PUDP: variants seen among roughly 807,000 people sequenced by gnomAD.
The protein encoded by PUDP is pseudouridine-5'-phosphatase.
A neutral mutation model predicts 9.4 loss-of-function variants in PUDP; 8 were observed. That is an observed-to-expected ratio of 0.85 (90% CI 0.50 to 1.53). The LOEUF (loss-of-function observed/expected upper bound fraction) is 1.53. Ranked by LOEUF, PUDP falls within the 40% of genes most tolerant of loss-of-function variation. PUDP has a pLI of 0.00. For missense variants in PUDP, 188 were observed against 189.7 expected (o/e 0.99, Z 0.05); for synonymous variants, 99 against 80.7 (o/e 1.23, Z -1.22).
chrX:7,057,379 G>T (rs1424937473), intron 3 of PUDP, among the ~76,000 whole-genome samples: 8 of 110,031 alleles, frequency 7.3e-5, no homozygotes, highest in Non-Finnish European at 1.5e-4. Context: ...TGGCTCCCTG[G>T]TCTCCCCCTA....
At chrX:7,058,261 A>G (rs1054502910) in intron 3 of PUDP, among the ~76,000 whole-genome samples, 2 of 112,255 alleles carry the variant, frequency 1.8e-5, no homozygotes, top group Non-Finnish European at 3.8e-5. Context: ...AAATATTACT[A>G]TATCATCTCT....
At chrX:7,056,227 G>A (rs189562527) in intron 3 of PUDP, among the ~76,000 whole-genome samples, 1 of 112,520 alleles carries the variant, frequency 8.9e-6, no homozygotes, top group Non-Finnish European at 1.9e-5. Flanking sequence ...TCTCTGCACG[G>A]ACTTGGTGGG....
At chrX:6,949,560 C>T (rs982367053) in intron 3 of PUDP, among the ~76,000 whole-genome samples, 3 of 112,215 alleles carry the variant, frequency 2.7e-5, no homozygotes, top group African/African-American at 9.7e-5. Flanking sequence ...TCACCCCCAA[C>T]TGCTAATTGC....
chrX:7,002,495 T>C (rs987515198), intron 1 of PUDP, among the ~76,000 whole-genome samples: 3 of 111,891 alleles, frequency 2.7e-5, no homozygotes, highest in African/African-American at 9.8e-5. Flanking sequence ...TCTGTTGCCA[T>C]GCTGTGAGTA....
chrX:6,859,986 G>A (rs1320092586), intron 3 of PUDP, among the ~76,000 whole-genome samples: 3 of 112,272 alleles, frequency 2.7e-5, no homozygotes, highest in Non-Finnish European at 3.8e-5. Flanking sequence ...TGTGCAGTGG[G>A]CAGGAAGAAC....
At chrX:6,899,952 C>G (rs1055614492) in intron 3 of PUDP, among the ~76,000 whole-genome samples, 2 of 111,588 alleles carry the variant, frequency 1.8e-5, no homozygotes, top group African/African-American at 6.5e-5. Context: ...GTGGCTCACA[C>G]CTGTAATCCC....
chrX:7,001,201 G>T (rs181996334), intron 1 of PUDP, among the ~76,000 whole-genome samples: 1 of 110,252 alleles, frequency 9.1e-6, no homozygotes, highest in East Asian at 2.8e-4. Flanking sequence ...TTTCATGAAA[G>T]CCACAAAATA....
chrX:6,857,380 A>T (rs1232526507), intron 3 of PUDP, among the ~76,000 whole-genome samples: 1 of 112,919 alleles, frequency 8.9e-6, no homozygotes, highest in East Asian at 2.8e-4. Flanking sequence ...AACCGTGGAA[A>T]TTGAGACATT....
intron 1 of PUDP, among the ~76,000 whole-genome samples, chrX:6,714,946 GAGAT>G (rs2076816789): frequency 9.3e-6 from 1 of 107,965 alleles, no homozygotes; most frequent in African/African-American, 3.5e-5. Flanking sequence ...TATTCTGCAG[GAGAT>G]AGATATAGAT....
chrX:6,876,447 C>T (rs1170273947), intron 3 of PUDP, among the ~76,000 whole-genome samples: 1 of 109,740 alleles, frequency 9.1e-6, no homozygotes. Context: ...TATATGTATA[C>T]AGTCACACAC....
At chrX:6,819,729 T>A (rs998669670) in intron 3 of PUDP, among the ~76,000 whole-genome samples, 2 of 111,980 alleles carry the variant, frequency 1.8e-5, no homozygotes, top group African/African-American at 6.5e-5. Context: ...TGTAAAAGAA[T>A]TTTCCTTTTG....
At chrX:6,839,507 T>G (rs778330509) in intron 3 of PUDP, among the ~76,000 whole-genome samples, 1 of 111,992 alleles carries the variant, frequency 8.9e-6, no homozygotes, top group African/African-American at 3.2e-5. Context: ...TTTCTTGCCT[T>G]GGACCATTCT....
chrX:6,752,629 G>A (rs759316396), intron 3 of PUDP, among the ~76,000 whole-genome samples: 33 of 111,428 alleles, frequency 3.0e-4, no homozygotes, highest in South Asian at 7.7e-4. Flanking sequence ...ACAGAGTGAC[G>A]TCAGGAAGGC....
chrX:6,860,607 G>A lies in PUDP; in HGVS notation c.*247+116526C>T, dbSNP rs913507758. ...TTGCCTCAGCCTCCCGAGTAGGTGG[G>A]ATTACAGGCGTGTGCCACCACACCC... On this transcript the variant is annotated intron_variant and NMD_transcript_variant, in intron 3 of 3. Coordinates refer to the PUDP transcript ENST00000655425. Among the ~76,000 whole-genome samples, 3 of 111,068 alleles carry A rather than the reference G, an allele frequency of 2.7e-5. No individual in the cohort carries two copies. The Admixed American group carries it at 2.9e-4, about 11-fold the overall frequency.
At chrX:6,961,138 A>G (rs1602691589) in intron 3 of PUDP, among the ~76,000 whole-genome samples, 1 of 111,726 alleles carries the variant, frequency 9.0e-6, no homozygotes, top group Admixed American at 9.5e-5. Flanking sequence ...GGTGCCTCAT[A>G]CCTGTAATCC....
chrX:6,869,565 G>T (rs1484393751), intron 3 of PUDP, among the ~76,000 whole-genome samples: 1 of 111,577 alleles, frequency 9.0e-6, no homozygotes, highest in East Asian at 2.8e-4. Context: ...TTCCAGCAGT[G>T]ACTGTGTCAG....
intron 1 of PUDP, among the ~76,000 whole-genome samples, chrX:6,991,146 T>C (rs1929170924): frequency 8.9e-6 from 1 of 112,049 alleles, no homozygotes. Context: ...AGCAAGTTCT[T>C]CTCTATCTGC....
chrX:7,043,270 C>T (rs1033872621), intron 1 of PUDP, among the ~76,000 whole-genome samples: 3 of 111,361 alleles, frequency 2.7e-5, no homozygotes, highest in Non-Finnish European at 1.9e-5. Context: ...AGGCAGATCC[C>T]TCATGAATGG....
At chrX:6,750,095 C>G (rs1020172160) in intron 3 of PUDP, among the ~76,000 whole-genome samples, 6 of 112,031 alleles carry the variant, frequency 5.4e-5, no homozygotes, top group African/African-American at 1.6e-4. Context: ...TGTGCAGCTT[C>G]TTGCATTAAG....
Sources: allele counts gnomAD v4.1 joint callset (sites outside exome capture counted in the v4.1 genomes callset), GRCh38; gene constraint gnomAD v4.1.1; transcripts MANE v1.5; gene names NCBI Gene and HGNC (gene_info 2026-07-23, HGNC 2026-07-21).